The following GPC6 variants were observed in gnomAD, a reference collection of about 807,000 sequenced individuals.
GPC6 encodes the protein glypican 6.
Under a neutral mutation model 55.2 loss-of-function variants are expected in GPC6, and 14 were observed. That is an observed-to-expected ratio of 0.25 (90% CI 0.17 to 0.40). The LOEUF (loss-of-function observed/expected upper bound fraction) is 0.40, where lower values mean the gene tolerates loss of function less well. Ranked by LOEUF, GPC6 falls within the 10% of genes least tolerant of loss-of-function variation. The pLI is 1.00. For synonymous variants in GPC6, 278 were observed against 259.6 expected, an observed-to-expected ratio of 1.07 and a Z score of -0.68; for missense variants, 641 against 708.5, an observed-to-expected ratio of 0.90 and a Z score of 1.08.
At chr13:93,839,040 G>C (rs1012685411) in intron 3 of GPC6, among the ~76,000 whole-genome samples, 1 of 152,132 alleles carries the variant, frequency 6.6e-6, no homozygotes, top group Non-Finnish European at 1.5e-5. Context: ...CCTCCTGAAA[G>C]TAAAGAGAGA....
chr13:94,068,611 GTTAGTTACTTC>G (rs1884620883), intron 4 of GPC6, among the ~76,000 whole-genome samples: 1 of 152,170 alleles, frequency 6.6e-6, no homozygotes, highest in Admixed American at 6.5e-5. Context: ...TCAAAAGCAA[GTTAGTTACTTC>G]CTAGATACAA....
intron 4 of GPC6, among the ~76,000 whole-genome samples, chr13:94,105,812 G>A (rs1008955070): frequency 6.6e-6 from 1 of 152,160 alleles, no homozygotes; most frequent in Non-Finnish European, 1.5e-5. Context: ...TGCCCCCTAG[G>A]AACATTCAGC....
intron 4 of GPC6, among the ~76,000 whole-genome samples, chr13:94,188,699 G>T (rs1429209025): frequency 1.3e-5 from 2 of 152,062 alleles, no homozygotes; most frequent in Non-Finnish European, 2.9e-5. Flanking sequence ...CTGAGGATTG[G>T]CTGCTCACCT....
intron 4 of GPC6, among the ~76,000 whole-genome samples, chr13:94,256,179 A>G (rs1244761989): frequency 6.6e-6 from 1 of 152,202 alleles, no homozygotes; most frequent in Non-Finnish European, 1.5e-5. Flanking sequence ...GTTTTCTTCC[A>G]AATCTGACAG....
At position 94,081,844 on chromosome 13, in the gene GPC6, C is replaced by CTTTTTTTTTTTT. The variant is rs201141414; in HGVS notation, c.877+53953_877+53964dup. On this transcript the variant is annotated intron_variant, in intron 4 of 8. Coordinates refer to ENST00000377047, the MANE Select transcript of GPC6 (RefSeq NM_005708.5). ...CATGTCTATGCCTTCTACTACTTTCCTTTTTTTTTTTTTTGAGACACAGTC... is the reference window on the plus strand; with the variant it reads ...CATGTCTATGCCTTCTACTACTTTCCTTTTTTTTTTTTTTTTTTTTTTTTTTGAGACACAGTC... Among the ~76,000 whole-genome samples, 122 of 132,980 alleles carry CTTTTTTTTTTTT rather than the reference C, an allele frequency of 9.2e-4. 1 individual carries two copies. Among genetic ancestry groups the CTTTTTTTTTTTT allele is most frequent in the South Asian group, 2.3e-3 (9 of 3,888 alleles). The allele number at this position is 132,980 out of a possible 152,430, so 87.2% of individuals were successfully genotyped here. A position where few individuals can be genotyped will look rare whatever the true frequency, so the allele number is the denominator to read the frequency against.
At chr13:93,373,125 G>A (rs1461266262) in intron 1 of GPC6, among the ~76,000 whole-genome samples, 1 of 152,148 alleles carries the variant, frequency 6.6e-6, no homozygotes, top group African/African-American at 2.4e-5. Context: ...ATCGTATTCA[G>A]GCAGCATGGC....
chr13:93,919,005 TCA>T (rs1877431048), intron 3 of GPC6, among the ~76,000 whole-genome samples: 1 of 152,164 alleles, frequency 6.6e-6, no homozygotes. Context: ...GGTGATTGGA[TCA>T]TGGGACAGAT....
chr13:93,682,118 A>G (rs1406622373), intron 2 of GPC6, among the ~76,000 whole-genome samples: 1 of 152,192 alleles, frequency 6.6e-6, no homozygotes, highest in African/African-American at 2.4e-5. Flanking sequence ...GCTAGATAAT[A>G]AGCAGACAGG....
chr13:93,514,982 G>A (rs1315992307), intron 1 of GPC6, among the ~76,000 whole-genome samples: 1 of 152,184 alleles, frequency 6.6e-6, no homozygotes, highest in Non-Finnish European at 1.5e-5. Flanking sequence ...CGCATCCCCA[G>A]TGTGATGGCA....
intron 2 of GPC6, among the ~76,000 whole-genome samples, chr13:93,642,405 T>A (rs1879990591): frequency 6.6e-6 from 1 of 152,048 alleles, no homozygotes; most frequent in African/African-American, 2.4e-5. Flanking sequence ...GATGAGCACT[T>A]CAGTTAATCC....
At chr13:93,805,168 C>A (rs193201618) in intron 2 of GPC6, among the ~76,000 whole-genome samples, 3 of 152,192 alleles carry the variant, frequency 2.0e-5, no homozygotes, top group African/African-American at 7.2e-5. Context: ...ATATGAATAG[C>A]AAGGGCACAG....
At chr13:94,063,150 G>T (rs1234012395) in intron 4 of GPC6, among the ~76,000 whole-genome samples, 1 of 152,134 alleles carries the variant, frequency 6.6e-6, no homozygotes, top group African/African-American at 2.4e-5. Flanking sequence ...GACTCTTCCA[G>T]CTTGCCAGAA....
intron 1 of GPC6, among the ~76,000 whole-genome samples, chr13:93,533,444 C>G (rs9561387): frequency 1.3e-5 from 2 of 152,230 alleles, no homozygotes; most frequent in Non-Finnish European, 2.9e-5. Flanking sequence ...GGAGACATGT[C>G]GAATGATGAG....
intron 4 of GPC6, among the ~76,000 whole-genome samples, chr13:94,049,699 A>G (rs1883869926): frequency 6.6e-6 from 1 of 152,002 alleles, no homozygotes. Flanking sequence ...TTGATATAAA[A>G]TTTTCATCAT....
chr13:93,459,535 C>T (rs9301882), intron 1 of GPC6, among the ~76,000 whole-genome samples: 2 of 152,008 alleles, frequency 1.3e-5, no homozygotes, highest in Non-Finnish European at 2.9e-5. Context: ...AACAGTAGAC[C>T]TGTATTTGCA....
chr13:93,674,499 G>T (rs1351547806), intron 2 of GPC6, among the ~76,000 whole-genome samples: 1 of 152,252 alleles, frequency 6.6e-6, no homozygotes, highest in South Asian at 2.1e-4. Flanking sequence ...GACCACGCTG[G>T]TTTAAAATAT....
chr13:94,333,106 CTT>C (rs1877510115), intron 6 of GPC6, among the ~76,000 whole-genome samples: 1 of 152,174 alleles, frequency 6.6e-6, no homozygotes, highest in Non-Finnish European at 1.5e-5. Context: ...ACATTACCCT[CTT>C]AATATAGTGC....
rs398038987 is a variant in GPC6, at chr13:93,811,600, T to TC, written c.320-18549dup. Among the ~76,000 whole-genome samples the TC allele has an allele frequency of 3.3e-5, 5 of 151,510 alleles. No individual in the cohort carries two copies. The East Asian group carries it at 5.8e-4, about 18-fold the overall frequency. ...TGACTGTGGATCGGATTTTTTTTTTTCCCCCTAACAAATGGTTTCATGAGA... is the reference window on the plus strand; with the variant it reads ...TGACTGTGGATCGGATTTTTTTTTTTCCCCCCTAACAAATGGTTTCATGAGA... On this transcript the variant is annotated intron_variant, in intron 2 of 8. Transcript: ENST00000377047.
chr13:94,382,405 CT>C lies in GPC6; in HGVS notation c.1153-7del. 2 of 1,614,026 alleles carry C rather than the reference CT, an allele frequency of 1.2e-6. No individual in the cohort carries two copies. Among genetic ancestry groups the C allele is most frequent in the Non-Finnish European group, 1.7e-6 (2 of 1,179,938 alleles). On this transcript the variant is annotated splice_polypyrimidine_tract_variant and splice_region_variant and intron_variant, in intron 6 of 8. Transcript: ENST00000377047. ...AATACTCACTTGCTTTCCTTGGTTT[CT>C]TGATCAGGTCACAGACATAAAAGAG...
Sources: gnomAD v4.1 joint callset for allele counts (sites outside exome capture counted in the v4.1 genomes callset) on GRCh38, gnomAD v4.1.1 for gene constraint, MANE v1.5 for transcripts, NCBI Gene and HGNC (gene_info 2026-07-23, HGNC 2026-07-21) for gene names.